FAM3C: variants seen among roughly 807,000 people sequenced by gnomAD.
FAM3C encodes the protein protein FAM3C.
In FAM3C, 15 loss-of-function variants were observed where a neutral mutation model predicts 32.5. That is an observed-to-expected ratio of 0.46 (90% CI 0.31 to 0.71). The LOEUF (loss-of-function observed/expected upper bound fraction) is 0.71, where lower values mean the gene tolerates loss of function less well. Among genes scored for constraint, FAM3C ranks in the 30% least tolerant of loss-of-function variants. The pLI is 0.05. For missense variants in FAM3C, 175 were observed against 274.4 expected (o/e 0.64, Z 2.56); for synonymous variants, 75 against 86.1 (o/e 0.87, Z 0.72).
intron 8 of FAM3C, 56 bp from the exon 9 acceptor site, chr7:121,351,325 C>T (rs1386675163): frequency 2.1e-6 from 3 of 1,455,156 alleles, no homozygotes; most frequent in Non-Finnish European, 2.8e-6. Context: ...TATGCTAATA[C>T]TGGTTCACTG....
At chr7:121,382,361 T>G (rs894388538) in intron 2 of FAM3C, among the ~76,000 whole-genome samples, 1 of 152,186 alleles carries the variant, frequency 6.6e-6, no homozygotes, top group African/African-American at 2.4e-5. Context: ...GAACAAATAC[T>G]GAGCAAAAAC....
intron 8 of FAM3C, among the ~76,000 whole-genome samples, chr7:121,358,313 G>T (rs920236954): frequency 6.6e-6 from 1 of 151,974 alleles, no homozygotes; most frequent in Non-Finnish European, 1.5e-5. Context: ...TATAAATCTT[G>T]TAGTATTAAG....
At chr7:121,389,487 C>T (rs1360257674) in intron 1 of FAM3C, among the ~76,000 whole-genome samples, 1 of 152,128 alleles carries the variant, frequency 6.6e-6, no homozygotes, top group Admixed American at 6.6e-5. Flanking sequence ...GCACCTTAAG[C>T]AGGTGGGGTT....
chr7:121,359,980 GA>G, intron 8 of FAM3C, 62 bp downstream of exon 8: 1 of 873,222 alleles, frequency 1.1e-6, no homozygotes. Context: ...TTTTTTTAAT[GA>G]AAATGTATTG....
intron 5 of FAM3C, among the ~76,000 whole-genome samples, chr7:121,368,967 T>C (rs1794082996): frequency 7.7e-6 from 1 of 129,714 alleles, no homozygotes; most frequent in South Asian, 2.5e-4. Context: ...TTTGTTGTTG[T>C]TGTTGTTTTT....
chr7:121,369,138 C>T (rs916923543), intron 5 of FAM3C, among the ~76,000 whole-genome samples: 5 of 152,088 alleles, frequency 3.3e-5, no homozygotes, highest in South Asian at 2.1e-4. Context: ...TGTGCCACCA[C>T]GCCCGGCTAA....
At position 121,368,957 on chromosome 7, in the gene FAM3C, TTTG is replaced by T. The variant is rs1277528344; in HGVS notation, c.272+2340_272+2342del. Among the ~76,000 whole-genome samples the T allele has an allele frequency of 1.1e-3, 166 of 146,206 alleles. 2 individuals are homozygous for T. The highest frequency in any genetic ancestry group is 4.5e-3 in the South Asian group (20 of 4,494). ...GGTATCACAATTTGTTTGTTCATTT[TTTG>T]TTGTTGTTGTTGTTTTTTTTTTTTT... is the stretch of plus-strand genomic sequence containing the variant. On this transcript the variant is annotated intron_variant, in intron 5 of 9. Coordinates refer to ENST00000359943, the MANE Select transcript of FAM3C (RefSeq NM_014888.3).
intron 1 of FAM3C, among the ~76,000 whole-genome samples, chr7:121,387,850 T>C (rs1456094483): frequency 6.6e-6 from 1 of 152,138 alleles, no homozygotes; most frequent in Non-Finnish European, 1.5e-5. Context: ...AACAAACTTC[T>C]AAAATTCCAA....
chr7:121,385,517 G>C (rs1015931485), intron 1 of FAM3C, among the ~76,000 whole-genome samples: 9 of 152,112 alleles, frequency 5.9e-5, no homozygotes, highest in African/African-American at 2.2e-4. Context: ...TCTTTACATG[G>C]TTGACAATTT....
chr7:121,357,623 T>C (rs1253786037), intron 8 of FAM3C, among the ~76,000 whole-genome samples: 3 of 152,188 alleles, frequency 2.0e-5, no homozygotes, highest in Admixed American at 6.5e-5. Flanking sequence ...ATTTGAAATA[T>C]AAATTCGTGT....
intron 8 of FAM3C, among the ~76,000 whole-genome samples, chr7:121,351,692 T>A (rs559472973): frequency 6.6e-6 from 1 of 152,196 alleles, no homozygotes; most frequent in Non-Finnish European, 1.5e-5. Flanking sequence ...AGAATAAAGG[T>A]AAATGCTGAC....
chr7:121,386,615 C>A (rs1051652616), intron 1 of FAM3C, among the ~76,000 whole-genome samples: 5 of 151,252 alleles, frequency 3.3e-5, no homozygotes, highest in Non-Finnish European at 5.9e-5. Context: ...ATAAATGAAG[C>A]TATCTCCACA....
chr7:121,375,528 G>A (rs986760213), intron 3 of FAM3C, among the ~76,000 whole-genome samples: 3 of 152,142 alleles, frequency 2.0e-5, no homozygotes, highest in African/African-American at 7.2e-5. Context: ...TGAAAGTGGT[G>A]AGATAGGCAG....
intron 7 of FAM3C, among the ~76,000 whole-genome samples, chr7:121,360,817 A>G (rs1793904397): frequency 6.6e-6 from 1 of 152,214 alleles, no homozygotes; most frequent in Non-Finnish European, 1.5e-5. Context: ...CCTGGTTGAC[A>G]CAGCAAGACC....
At chr7:121,354,809 G>T (rs1793776994) in intron 8 of FAM3C, among the ~76,000 whole-genome samples, 1 of 151,990 alleles carries the variant, frequency 6.6e-6, no homozygotes, top group Non-Finnish European at 1.5e-5. Flanking sequence ...GAGGGAATAC[G>T]ACTCTTTACA....
chr7:121,386,019 A>T (rs1794458179), intron 1 of FAM3C, among the ~76,000 whole-genome samples: 1 of 152,158 alleles, frequency 6.6e-6, no homozygotes, highest in Admixed American at 6.6e-5. Flanking sequence ...ACTCTAATAT[A>T]AGAGGCTTGT....
intron 5 of FAM3C, among the ~76,000 whole-genome samples, chr7:121,368,827 C>T (rs1794079226): frequency 6.6e-6 from 1 of 151,970 alleles, no homozygotes; most frequent in Non-Finnish European, 1.5e-5. Context: ...TCAGAATACA[C>T]ATCACTGTCT....
intron 6 of FAM3C, among the ~76,000 whole-genome samples, chr7:121,363,673 T>C (rs1584693931): frequency 6.6e-6 from 1 of 152,230 alleles, no homozygotes; most frequent in East Asian, 1.9e-4. Flanking sequence ...GAAGGAAAAT[T>C]TGAGATGTTC....
intron 7 of FAM3C, among the ~76,000 whole-genome samples, chr7:121,360,386 G>GA (rs911313363): frequency 1.3e-5 from 2 of 152,062 alleles, no homozygotes; most frequent in Admixed American, 1.3e-4. Flanking sequence ...GGGGCTAAGT[G>GA]AAAAAAATCA....
Sources: gnomAD v4.1 joint callset for allele counts (sites outside exome capture counted in the v4.1 genomes callset) on GRCh38, gnomAD v4.1.1 for gene constraint, MANE v1.5 for transcripts, NCBI Gene and HGNC (gene_info 2026-07-23, HGNC 2026-07-21) for gene names.